DLGAP1: variants seen among roughly 807,000 people sequenced by gnomAD.
DLGAP1 encodes the protein DLG associated protein 1.
DLGAP1 carries 11 observed loss-of-function variants against 90.8 expected under a neutral mutation model. The ratio of observed to expected loss-of-function variants is 0.12; its 90% confidence interval spans 0.08 to 0.20. The LOEUF (loss-of-function observed/expected upper bound fraction) is 0.20. Ranked by LOEUF, DLGAP1 falls within the 10% of genes least tolerant of loss-of-function variation. DLGAP1 has a pLI of 1.00. For missense variants in DLGAP1, 1,050 were observed against 1,333.8 expected, an observed-to-expected ratio of 0.79 and a Z score of 3.31; for synonymous variants, 558 against 540.7, an observed-to-expected ratio of 1.03 and a Z score of -0.44.
At chr18:3,502,325 TA>T in intron 12 of DLGAP1, 167 bp downstream of exon 12, 1 of 1,390,888 alleles carries the variant, frequency 7.2e-7, no homozygotes, top group Non-Finnish European at 9.3e-7. Context: ...ATATTACAGA[TA>T]ATATCCCAAA....
intron 2 of DLGAP1, among the ~76,000 whole-genome samples, chr18:4,076,116 C>G (rs1346972058): frequency 6.6e-6 from 1 of 152,178 alleles, no homozygotes; most frequent in African/African-American, 2.4e-5. Flanking sequence ...GAAGAGAGAG[C>G]TGAAACTTCA....
At chr18:3,963,357 C>T (rs1470412657) in intron 3 of DLGAP1, among the ~76,000 whole-genome samples, 1 of 152,154 alleles carries the variant, frequency 6.6e-6, no homozygotes, top group Non-Finnish European at 1.5e-5. Flanking sequence ...AGCACAGTTG[C>T]TGGGCCTTGT....
At position 3,772,332 on chromosome 18, in the gene DLGAP1, TTCTCTC is replaced by T. The variant is rs10532577; in HGVS notation, c.1173-29826_1173-29821del. Among the ~76,000 whole-genome samples the T allele has an allele frequency of 7.6e-4, 71 of 94,036 alleles. 4 individuals carry two copies. The highest frequency in any genetic ancestry group is 2.7e-3 in the South Asian group (7 of 2,552). The allele number at this position is 94,036 out of a possible 152,430, so 61.7% of individuals were successfully genotyped here. Reference sequence around the variant, plus strand: ...CTCCTTCCTTCCTTCCTTTCTCTCCTTCTCTCTCTCTCTCTCTTTCTTTCTTTCTTT... The same window carrying T: ...CTCCTTCCTTCCTTCCTTTCTCTCCTTCTCTCTCTCTTTCTTTCTTTCTTT... On this transcript the variant is annotated intron_variant, in intron 5 of 12. Transcript: ENST00000315677.
At chr18:4,136,946 A>G (rs972307822) in intron 2 of DLGAP1, among the ~76,000 whole-genome samples, 2 of 152,118 alleles carry the variant, frequency 1.3e-5, no homozygotes, top group African/African-American at 4.8e-5. Context: ...CATGTGCACA[A>G]CGTGCAGGTT....
At chr18:4,269,257 A>T (rs1404682536) in intron 1 of DLGAP1, among the ~76,000 whole-genome samples, 2 of 150,212 alleles carry the variant, frequency 1.3e-5, no homozygotes, top group African/African-American at 4.9e-5. Flanking sequence ...TGACTCCCTG[A>T]AAGTATAAAT....
chr18:4,253,776 T>C (rs972354243), intron 1 of DLGAP1, among the ~76,000 whole-genome samples: 3 of 152,158 alleles, frequency 2.0e-5, no homozygotes, highest in African/African-American at 7.2e-5. Flanking sequence ...TAGATACAAA[T>C]AGTTTTGGAA....
Position 4,416,563 on chromosome 18 carries a change from A to G in DLGAP1, c.-267+38443T>C, listed in dbSNP as rs143534273. 2.2e-3 allele frequency among the ~76,000 whole-genome samples: 331 copies of G among 152,326 alleles called. 1 individual carries two copies. The highest frequency in any genetic ancestry group is 7.2e-3 in the African/African-American group (301 of 41,572). On this transcript the variant is annotated intron_variant, in intron 1 of 12. Coordinates refer to ENST00000315677, the MANE Select transcript of DLGAP1 (RefSeq NM_004746.4). ...TAATGAGAGAGTCAGAAGTCTATGA[A>G]CTACCTGTGTATATACAAACCTCTA...
chr18:3,527,980 T>C (rs905036061), intron 10 of DLGAP1, among the ~76,000 whole-genome samples: 1 of 152,222 alleles, frequency 6.6e-6, no homozygotes, highest in Admixed American at 6.5e-5. Flanking sequence ...TTATGTACAT[T>C]CACCAAACAT....
intron 1 of DLGAP1, among the ~76,000 whole-genome samples, chr18:4,267,112 G>C (rs1000782288): frequency 1.3e-5 from 2 of 152,104 alleles, no homozygotes; most frequent in Admixed American, 6.5e-5. Context: ...GACATTTTAT[G>C]ACAATAGCTT....
At chr18:4,350,744 T>C (rs1291479549) in intron 1 of DLGAP1, among the ~76,000 whole-genome samples, 1 of 152,220 alleles carries the variant, frequency 6.6e-6, no homozygotes, top group African/African-American at 2.4e-5. Context: ...CTTTTGACTT[T>C]TATTCTATTC....
intron 1 of DLGAP1, among the ~76,000 whole-genome samples, chr18:4,196,538 G>A (rs148793105): frequency 2.6e-5 from 4 of 152,188 alleles, no homozygotes; most frequent in South Asian, 4.1e-4. Flanking sequence ...CTTCCAACAC[G>A]CTTACTGATT....
intron 1 of DLGAP1, among the ~76,000 whole-genome samples, chr18:4,426,079 T>C (rs889994773): frequency 3.3e-5 from 5 of 152,078 alleles, no homozygotes; most frequent in South Asian, 2.1e-4. Context: ...CAGAACACTA[T>C]AAAAACACAG....
In DLGAP1 at chr18:4,433,439, C is replaced by A. The variant is rs371327466; in HGVS notation, c.-267+21567G>T. 6.6e-5 allele frequency among the ~76,000 whole-genome samples: 10 copies of A among 152,320 alleles called. 1 individual carries two copies. The South Asian group carries it at 1.7e-3, about 25-fold the overall frequency. On this transcript the variant is annotated intron_variant, in intron 1 of 12. Transcript: ENST00000315677. Reference sequence around the variant, plus strand: ...ACCAAAACCAAACTTCTAAAAACCACTTAGCTCTACCAGGAATTTTTGTTT... The same window carrying A: ...ACCAAAACCAAACTTCTAAAAACCAATTAGCTCTACCAGGAATTTTTGTTT...
intron 7 of DLGAP1, among the ~76,000 whole-genome samples, chr18:3,679,463 G>T (rs539981657): frequency 1.3e-5 from 2 of 151,818 alleles, no homozygotes; most frequent in South Asian, 4.2e-4. Context: ...CGCCAAGAAT[G>T]ACTAAGTACA....
intron 1 of DLGAP1, among the ~76,000 whole-genome samples, chr18:4,409,539 C>T (rs1297511810): frequency 6.6e-6 from 1 of 152,144 alleles, no homozygotes; most frequent in African/African-American, 2.4e-5. Context: ...CGATGAGAGA[C>T]AACGACTTTA....
At chr18:3,845,518 T>G (rs767689561) in intron 4 of DLGAP1, 21 of 984,526 alleles carry the variant, frequency 2.1e-5, no homozygotes, top group Non-Finnish European at 2.4e-5. Flanking sequence ...GAATACTTAG[T>G]GCAGATTTTT....
chr18:4,102,582 G>A (rs2075797918), intron 2 of DLGAP1, among the ~76,000 whole-genome samples: 1 of 152,202 alleles, frequency 6.6e-6, no homozygotes, highest in Non-Finnish European at 1.5e-5. Flanking sequence ...CACTGGTGAT[G>A]TTTCAAGGCC....
chr18:4,323,582 T>C (rs1264139555), intron 1 of DLGAP1, among the ~76,000 whole-genome samples: 1 of 152,154 alleles, frequency 6.6e-6, no homozygotes, highest in Non-Finnish European at 1.5e-5. Context: ...ATGTGGTTCA[T>C]GGCACATACT....
At chr18:4,309,580 G>A (rs909877195) in intron 1 of DLGAP1, among the ~76,000 whole-genome samples, 11 of 152,084 alleles carry the variant, frequency 7.2e-5, no homozygotes, top group African/African-American at 1.7e-4. Flanking sequence ...ATAAAAAATC[G>A]TTTAGCCCAT....
Sources: gnomAD v4.1 joint callset for allele counts (sites outside exome capture counted in the v4.1 genomes callset) on GRCh38, gnomAD v4.1.1 for gene constraint, MANE v1.5 for transcripts, NCBI Gene and HGNC (gene_info 2026-07-23, HGNC 2026-07-21) for gene names.